C4orf17: variants seen among roughly 807,000 people sequenced by gnomAD.
C4orf17 encodes chromosome 4 open reading frame 17.
C4orf17 carries 25 observed loss-of-function variants against 32.0 expected under a neutral mutation model. The observed-to-expected ratio is 0.78, with a 90% CI of 0.57 to 1.09. The LOEUF (loss-of-function observed/expected upper bound fraction) is 1.09. Ranked by LOEUF, C4orf17 falls within the 50% of genes least tolerant of loss-of-function variation. The pLI is 0.00. For missense variants in C4orf17, 420 were observed against 420.0 expected, an observed-to-expected ratio of 1.00 and a Z score of 0.00; for synonymous variants, 149 against 145.8, an observed-to-expected ratio of 1.02 and a Z score of -0.16.
intron 8 of C4orf17, chr4:99,541,328 C>G (rs1450110891): frequency 1.3e-5 from 2 of 152,568 alleles, no homozygotes; most frequent in African/African-American, 4.8e-5. Context: ...TCTGGCCTCT[C>G]CTACCAAACT....
At chr4:99,537,087 G>T (rs2110173852) in intron 5 of C4orf17, among the ~76,000 whole-genome samples, 1 of 152,098 alleles carries the variant, frequency 6.6e-6, no homozygotes, top group African/African-American at 2.4e-5. Flanking sequence ...TTGGGGGGAG[G>T]TCGACTAGGG....
intron 4 of C4orf17, among the ~76,000 whole-genome samples, chr4:99,525,120 C>A (rs1723364156): frequency 6.6e-6 from 1 of 152,196 alleles, no homozygotes; most frequent in African/African-American, 2.4e-5. Context: ...CAATTTCTGG[C>A]AAAGCTAATA....
intron 2 of C4orf17, among the ~76,000 whole-genome samples, chr4:99,515,849 G>C (rs1723172250): frequency 6.6e-6 from 1 of 151,336 alleles, no homozygotes; most frequent in Non-Finnish European, 1.5e-5. Flanking sequence ...TGAAAAAAAG[G>C]GCAGATCCTG....
chr4:99,528,547 A>G (rs973265183), intron 4 of C4orf17, among the ~76,000 whole-genome samples: 1 of 152,164 alleles, frequency 6.6e-6, no homozygotes, highest in Admixed American at 6.6e-5. Context: ...TCATGACTCA[A>G]TTGCTGGACT....
chr4:99,533,906 A>C (rs1723517593), intron 5 of C4orf17, among the ~76,000 whole-genome samples: 1 of 152,176 alleles, frequency 6.6e-6, no homozygotes, highest in Non-Finnish European at 1.5e-5. Context: ...TCAAATCCTA[A>C]AATAAAATTT....
chr4:99,514,342 T>C lies in C4orf17; in HGVS notation c.127+1134T>C, dbSNP rs540863387. 2.6e-4 allele frequency among the ~76,000 whole-genome samples: 39 copies of C among 152,174 alleles called. No individual in the cohort carries two copies. The Middle Eastern group carries it at 0.01, about 40-fold the overall frequency. ...AACCTGCAGAGTGGGAGAAAATATTTGCAAACTACGCATCCGACAAAGGAC... is the reference window on the plus strand; with the variant it reads ...AACCTGCAGAGTGGGAGAAAATATTCGCAAACTACGCATCCGACAAAGGAC... On this transcript the variant is annotated intron_variant, in intron 2 of 8. Transcript: ENST00000326581.
chr4:99,529,004 A>C (rs1723435533), intron 4 of C4orf17, among the ~76,000 whole-genome samples: 1 of 152,228 alleles, frequency 6.6e-6, no homozygotes, highest in African/African-American at 2.4e-5. Context: ...CTATTTTTCC[A>C]TAACAAAGTC....
At chr4:99,525,520 C>T (rs1723372595) in intron 4 of C4orf17, among the ~76,000 whole-genome samples, 2 of 152,074 alleles carry the variant, frequency 1.3e-5, no homozygotes, top group Non-Finnish European at 2.9e-5. Context: ...GTTGGCCAGG[C>T]GCAGTGGCTC....
intron 3 of C4orf17, among the ~76,000 whole-genome samples, chr4:99,523,333 A>C (rs749221123): frequency 6.6e-6 from 1 of 152,264 alleles, no homozygotes; most frequent in Non-Finnish European, 1.5e-5. Flanking sequence ...TTCTTGCCCC[A>C]TACAATTTAC....
chr4:99,522,443 C>T, intron 2 of C4orf17, 57 bp from the exon 3 acceptor site: 1 of 1,327,598 alleles, frequency 7.5e-7, no homozygotes, highest in Non-Finnish European at 1.1e-6. Context: ...AGAAAACCTT[C>T]CAAACATCTA....
At chr4:99,527,909 G>T (rs959181783) in intron 4 of C4orf17, among the ~76,000 whole-genome samples, 4 of 152,122 alleles carry the variant, frequency 2.6e-5, no homozygotes, top group African/African-American at 4.8e-5. Context: ...GTTTAGGTTT[G>T]CTATGTCTTC....
chr4:99,541,056 CATTCATGACT>C (rs1324259950), intron 8 of C4orf17: 1 of 152,248 alleles, frequency 6.6e-6, no homozygotes, highest in African/African-American at 2.4e-5. Flanking sequence ...ACAAGGAGAG[CATTCATGACT>C]ACAGAGCAAC....
intron 4 of C4orf17, among the ~76,000 whole-genome samples, chr4:99,527,899 G>A (rs1455427979): frequency 6.6e-6 from 1 of 152,154 alleles, no homozygotes; most frequent in African/African-American, 2.4e-5. Context: ...GCATAAAACT[G>A]TTTAGGTTTG....
At chr4:99,522,084 C>T (rs1578189164) in intron 2 of C4orf17, among the ~76,000 whole-genome samples, 1 of 152,128 alleles carries the variant, frequency 6.6e-6, no homozygotes, top group South Asian at 2.1e-4. Context: ...GACCTAGTTA[C>T]ATTGAGGCAT....
intron 8 of C4orf17, 108 bp from the exon 9 acceptor site, chr4:99,541,802 C>A: frequency 2.5e-6 from 2 of 787,256 alleles, no homozygotes; most frequent in Non-Finnish European, 4.1e-6. Flanking sequence ...GTATCTGATT[C>A]ACCTAAACTT....
rs2110163038 is a variant in C4orf17 at position 99,511,130 on chromosome 4, T to A, written c.-236T>A. ...GAAGCGTTCGAGATTGGTCTGTCTCTACCAACTAAAAACTTCTAGCTTAAG... is the reference window on the plus strand; with the variant it reads ...GAAGCGTTCGAGATTGGTCTGTCTCAACCAACTAAAAACTTCTAGCTTAAG... On this transcript the variant is annotated 5_prime_UTR_variant, in exon 1 of 9. Coordinates refer to ENST00000326581, the MANE Select transcript of C4orf17 (RefSeq NM_032149.3). The A allele has an allele frequency of 6.6e-6, 1 of 152,300 alleles. No homozygotes were observed. The highest frequency in any genetic ancestry group is 2.4e-5 in the African/African-American group (1 of 41,574). The allele number at this position is 152,300 out of a possible 1,614,324, so 9.4% of individuals were successfully genotyped here.
At position 99,523,556 on chromosome 4, in the gene C4orf17, A is replaced by C. The variant is rs1364758379; in HGVS notation, c.337+847A>C. ...AGCAATGAAGAGTCAAAGCCCACTTATTTTCCCTTATTTCTTGTGTCCCTT... is the reference window on the plus strand; with the variant it reads ...AGCAATGAAGAGTCAAAGCCCACTTCTTTTCCCTTATTTCTTGTGTCCCTT... On this transcript the variant is annotated intron_variant, in intron 3 of 8. Coordinates refer to ENST00000326581, the MANE Select transcript of C4orf17 (RefSeq NM_032149.3). Among the ~76,000 whole-genome samples the C allele has an allele frequency of 2.6e-5, 4 of 152,140 alleles. No homozygotes were observed. The South Asian group carries it at 8.3e-4, about 32-fold the overall frequency.
chr4:99,540,540 A>G, intron 8 of C4orf17, 85 bp downstream of exon 8: 1 of 870,848 alleles, frequency 1.1e-6, no homozygotes, highest in Non-Finnish European at 1.9e-6. Context: ...TTTAAGGATC[A>G]GTGCTTTTAA....
chr4:99,535,023 G>C (rs1170661012), intron 5 of C4orf17, among the ~76,000 whole-genome samples: 1 of 152,100 alleles, frequency 6.6e-6, no homozygotes, highest in Non-Finnish European at 1.5e-5. Flanking sequence ...GTGAAATTCT[G>C]GGTTGGAAAC....
Sources: gnomAD v4.1 joint callset for allele counts (sites outside exome capture counted in the v4.1 genomes callset) on GRCh38, gnomAD v4.1.1 for gene constraint, MANE v1.5 for transcripts, NCBI Gene and HGNC (gene_info 2026-07-23, HGNC 2026-07-21) for gene names.